Variants in BBX observed in about 807,000 individuals in gnomAD.
The protein encoded by BBX is BBX high mobility group box domain containing, also known as HMG box transcription factor BBX.
A neutral mutation model predicts 100.2 loss-of-function variants in BBX; 30 were observed. The ratio of observed to expected loss-of-function variants is 0.30; its 90% CI spans 0.22 to 0.41. The LOEUF is 0.41. BBX is among the 10% of genes least tolerant of loss of function. BBX has a pLI of 1.00. For synonymous variants in BBX, 376 were observed against 388.1 expected, an observed-to-expected ratio of 0.97 and a Z score of 0.37; for missense variants, 1,023 against 1,129.8, an observed-to-expected ratio of 0.91 and a Z score of 1.35.
intron 2 of BBX, among the ~76,000 whole-genome samples, chr3:107,528,385 T>C (rs1001774028): frequency 2.0e-5 from 3 of 152,198 alleles, no homozygotes; most frequent in Admixed American, 6.5e-5. Flanking sequence ...CTATATTGTT[T>C]CCTAGTGTTA....
intron 17 of BBX, 58 bp downstream of exon 17, chr3:107,801,339 T>C: frequency 9.7e-6 from 15 of 1,553,254 alleles, no homozygotes; most frequent in Non-Finnish European, 1.2e-5. Flanking sequence ...ACCTCTTTGA[T>C]GTGATTTGTG....
chr3:107,654,927 G>T (rs1291187716), intron 3 of BBX, among the ~76,000 whole-genome samples: 4 of 152,158 alleles, frequency 2.6e-5, no homozygotes, highest in Admixed American at 6.5e-5. Context: ...AAGGAAATGT[G>T]TTCTTAAAAT....
At chr3:107,690,409 T>C (rs1165774389) in intron 3 of BBX, among the ~76,000 whole-genome samples, 1 of 152,156 alleles carries the variant, frequency 6.6e-6, no homozygotes, top group Non-Finnish European at 1.5e-5. Context: ...ACAAAGTACG[T>C]TGGAGATTCC....
In BBX at chr3:107,592,162, T is replaced by C. The variant is rs138782303; in HGVS notation, c.-83-53674T>C. Among the ~76,000 whole-genome samples, 826 of 152,170 alleles carry C rather than the reference T, an allele frequency of 5.4e-3. 4 individuals carry two copies. The highest frequency in any genetic ancestry group is 8.5e-3 in the Non-Finnish European group (579 of 67,988). ...AAGCTTGTCTGTTTACAAAATGTAA[T>C]CTACTTACTGTTCCTATATTTTTCT... On this transcript the variant is annotated intron_variant, in intron 2 of 17. Coordinates refer to ENST00000325805, the MANE Select transcript of BBX (RefSeq NM_001142568.3).
intron 5 of BBX, among the ~76,000 whole-genome samples, chr3:107,719,195 ACT>A (rs1189612794): frequency 6.6e-6 from 1 of 151,588 alleles, no homozygotes; most frequent in Non-Finnish European, 1.5e-5. Context: ...CATTTTTAAA[ACT>A]CTTTTTAGAT....
At chr3:107,696,458 G>A (rs1287426694) in intron 3 of BBX, among the ~76,000 whole-genome samples, 1 of 150,612 alleles carries the variant, frequency 6.6e-6, no homozygotes, top group Admixed American at 6.6e-5. Flanking sequence ...CACTTATGAA[G>A]CTTAGTTTGG....
chr3:107,559,954 G>T, intron 2 of BBX, among the ~76,000 whole-genome samples: 1 of 152,062 alleles, frequency 6.6e-6, no homozygotes, highest in Non-Finnish European at 1.5e-5. Flanking sequence ...ATGTTTCCCA[G>T]GCTGGTCTCG....
chr3:107,645,486 G>T (rs1425596461), intron 2 of BBX, among the ~76,000 whole-genome samples: 1 of 151,960 alleles, frequency 6.6e-6, no homozygotes, highest in East Asian at 1.9e-4. Context: ...TTAGGGTGTC[G>T]ATTTAACCCC....
At chr3:107,749,408 A>T (rs535650082) in intron 9 of BBX, among the ~76,000 whole-genome samples, 2 of 152,160 alleles carry the variant, frequency 1.3e-5, no homozygotes, top group East Asian at 3.9e-4. Flanking sequence ...TTTCAGAAAC[A>T]TTTTTTTCAA....
At chr3:107,646,746 G>A (rs776557699) in intron 3 of BBX, among the ~76,000 whole-genome samples, 1 of 152,022 alleles carries the variant, frequency 6.6e-6, no homozygotes, top group Non-Finnish European at 1.5e-5. Context: ...TTTCAGGAAA[G>A]GAACTTATTC....
At position 107,748,058 on chromosome 3, in the gene BBX, G is replaced by T; in HGVS notation, c.825+19G>T. On this transcript the variant is annotated intron_variant, in intron 9 of 17. Coordinates refer to ENST00000325805, the MANE Select transcript of BBX (RefSeq NM_001142568.3). ...TGCAGAGGTATGGCCTTTTTAAAATGCTTTTTAGGCTAAGAAAACTTGTTG... is the reference window on the plus strand; with the variant it reads ...TGCAGAGGTATGGCCTTTTTAAAATTCTTTTTAGGCTAAGAAAACTTGTTG... 6.3e-7 allele frequency: 1 copy of T among 1,599,512 alleles called. No homozygotes were observed. Among genetic ancestry groups the T allele is most frequent in the Non-Finnish European group, 8.5e-7 (1 of 1,169,910 alleles).
chr3:107,629,135 G>A (rs770457815), intron 2 of BBX, among the ~76,000 whole-genome samples: 1 of 152,124 alleles, frequency 6.6e-6, no homozygotes, highest in Non-Finnish European at 1.5e-5. Context: ...CTGAGAATGT[G>A]TGTTTTGGGT....
At chr3:107,727,087 A>G (rs1218313391) in intron 5 of BBX, among the ~76,000 whole-genome samples, 1 of 151,280 alleles carries the variant, frequency 6.6e-6, no homozygotes, top group Non-Finnish European at 1.5e-5. Flanking sequence ...TAAAAATTTT[A>G]AACTACCCCC....
intron 2 of BBX, among the ~76,000 whole-genome samples, chr3:107,541,127 T>A (rs2048833986): frequency 6.6e-6 from 1 of 152,238 alleles, no homozygotes; most frequent in Non-Finnish European, 1.5e-5. Flanking sequence ...GACGTTGCTT[T>A]GTTTGCTCTG....
chr3:107,523,214 G>GAGCAGC (rs1221098987), intron 1 of BBX, 107 bp downstream of exon 1: 3 of 218,748 alleles, frequency 1.4e-5, no homozygotes, highest in Admixed American at 1.1e-4. Flanking sequence ...TCCGCGGCAG[G>GAGCAGC]AGCAGCGGCG....
intron 3 of BBX, among the ~76,000 whole-genome samples, chr3:107,678,349 A>G (rs1230342583): frequency 1.3e-5 from 2 of 152,074 alleles, no homozygotes; most frequent in African/African-American, 4.8e-5. Context: ...ACCTAGCACA[A>G]CATCTGGTTA....
Position 107,566,205 on chromosome 3 carries a change from T to A in BBX, c.-84+39807T>A, listed in dbSNP as rs867077126. 7.4e-3 allele frequency among the ~76,000 whole-genome samples: 888 copies of A among 119,478 alleles called. 20 individuals are homozygous for A. The highest frequency in any genetic ancestry group is 0.027 in the African/African-American group (796 of 29,460). The allele number at this position is 119,478 out of a possible 152,430, so 78.4% of individuals were successfully genotyped here. A position where few individuals can be genotyped will look rare whatever the true frequency, so the allele number is the denominator to read the frequency against. Reference sequence around the variant, plus strand: ...AAAAAAAAAAAAAAAAAAAAAAAGATAGTTTGTTGACCTAATCATGTCATT... The same window carrying A: ...AAAAAAAAAAAAAAAAAAAAAAAGAAAGTTTGTTGACCTAATCATGTCATT... On this transcript the variant is annotated intron_variant, in intron 2 of 17. Transcript: ENST00000325805.
intron 5 of BBX, among the ~76,000 whole-genome samples, chr3:107,725,155 A>G (rs1329732956): frequency 6.6e-6 from 1 of 152,058 alleles, no homozygotes; most frequent in Non-Finnish European, 1.5e-5. Flanking sequence ...TAGGTATTTT[A>G]TTCTCTTTGA....
At chr3:107,778,187 T>C (rs2067483750) in intron 12 of BBX, among the ~76,000 whole-genome samples, 184 bp from the exon 13 acceptor site, 1 of 152,180 alleles carries the variant, frequency 6.6e-6, no homozygotes, top group Non-Finnish European at 1.5e-5. Context: ...ACGAGTTTAC[T>C]AAGAAAACTG....
Sources: allele counts gnomAD v4.1 joint callset (sites outside exome capture counted in the v4.1 genomes callset), GRCh38; gene constraint gnomAD v4.1.1; transcripts MANE v1.5; gene names NCBI Gene and HGNC (gene_info 2026-07-23, HGNC 2026-07-21).